MN1: variants seen among roughly 807,000 people sequenced by gnomAD.
MN1 encodes MN1 proto-oncogene, transcriptional regulator, also known as transcriptional activator MN1.
A neutral mutation model predicts 86.9 loss-of-function variants in MN1; 19 were observed. That is an observed-to-expected ratio of 0.22 (90% CI 0.15 to 0.32). The LOEUF (loss-of-function observed/expected upper bound fraction) is 0.32, where lower values mean the gene tolerates loss of function less well. MN1 is among the 10% of genes least tolerant of loss of function. The pLI, the probability that MN1 is intolerant of heterozygous loss-of-function variation, is 1.00. For synonymous variants in MN1, 928 were observed against 849.6 expected (o/e 1.09, Z -1.60); for missense variants, 1,841 against 1,862.0 (o/e 0.99, Z 0.21).
At chr22:27,752,312 T>C (rs368493465) in intron 1 of MN1, among the ~76,000 whole-genome samples, 3 of 152,226 alleles carry the variant, frequency 2.0e-5, no homozygotes, top group East Asian at 3.9e-4. Flanking sequence ...GGACAGAAGA[T>C]GAAGTGTTCA....
intron 1 of MN1, among the ~76,000 whole-genome samples, chr22:27,754,345 G>A (rs1932788736): frequency 6.6e-6 from 1 of 152,218 alleles, no homozygotes; most frequent in South Asian, 2.1e-4. Flanking sequence ...GAACACTTCT[G>A]TGTATTATCT....
intron 1 of MN1, among the ~76,000 whole-genome samples, chr22:27,757,700 G>A (rs1932810363): frequency 6.6e-6 from 1 of 152,134 alleles, no homozygotes; most frequent in South Asian, 2.1e-4. Context: ...GGGCCTGGAA[G>A]CTGAATCAGG....
At chr22:27,782,454 T>C (rs1166475593) in intron 1 of MN1, among the ~76,000 whole-genome samples, 1 of 152,234 alleles carries the variant, frequency 6.6e-6, no homozygotes, top group African/African-American at 2.4e-5. Context: ...TCTGTGCCTT[T>C]CATTTCTTCA....
intron 1 of MN1, among the ~76,000 whole-genome samples, chr22:27,767,438 T>C (rs1186996097): frequency 6.6e-6 from 1 of 152,144 alleles, no homozygotes; most frequent in African/African-American, 2.4e-5. Flanking sequence ...CAGACTTCCT[T>C]CAAAGTTTGA....
intron 1 of MN1, among the ~76,000 whole-genome samples, chr22:27,767,838 G>C (rs564430405): frequency 6.6e-6 from 1 of 152,224 alleles, no homozygotes; most frequent in Non-Finnish European, 1.5e-5. Context: ...GCAAATTGGA[G>C]GGTAATTTTT....
intron 1 of MN1, among the ~76,000 whole-genome samples, chr22:27,792,317 C>CATATATATATATAT (rs36207111): frequency 1.1e-4 from 13 of 114,050 alleles, no homozygotes; most frequent in South Asian, 3.1e-4. Flanking sequence ...ATAAAAATTG[C>CATATATATATATAT]ATATATATAT....
chr22:27,769,601 G>T (rs1374893534), intron 1 of MN1, among the ~76,000 whole-genome samples: 1,758 of 114,578 alleles, frequency 0.015, 42 homozygotes, highest in African/African-American at 0.058. Context: ...CACCCAGGCT[G>T]GAGTGCAGTG....
At chr22:27,783,194 G>A (rs560194610) in intron 1 of MN1, among the ~76,000 whole-genome samples, 1 of 151,378 alleles carries the variant, frequency 6.6e-6, no homozygotes, top group Non-Finnish European at 1.5e-5. Context: ...GAGTGCAGTG[G>A]TGTGATCTTG....
intron 1 of MN1, among the ~76,000 whole-genome samples, chr22:27,786,262 A>C (rs1933131324): frequency 6.6e-6 from 1 of 152,236 alleles, no homozygotes; most frequent in Admixed American, 6.5e-5. Flanking sequence ...GCCAGGCTGA[A>C]GTGCTCGCAC....
intron 1 of MN1, among the ~76,000 whole-genome samples, chr22:27,757,517 A>C (rs1008428822): frequency 3.3e-5 from 5 of 152,208 alleles, no homozygotes; most frequent in Admixed American, 3.3e-4. Flanking sequence ...CTCGGGGCTT[A>C]TGTAAGAAGC....
rs1235003365 is a variant in MN1 at position 27,799,717 on chromosome 22, A to T, written c.827T>A (p.Met276Lys). The change falls in exon 1 of 2, where the codon ATG becomes AAG. Residue 276 changes from methionine (M) to lysine (K), a missense_variant. Transcript: ENST00000302326. ...GCCCACCATGCCCGCAGCTCTGGGCATGGCCGAGGCGCCCGGGAAAGCGCC... is the reference window on the plus strand; with the variant it reads ...GCCCACCATGCCCGCAGCTCTGGGCTTGGCCGAGGCGCCCGGGAAAGCGCC... ...PGGAFPGASA[M>K]PRAAGMVGLS... 6.4e-7 allele frequency: 1 copy of T among 1,569,974 alleles called. No individual in the cohort carries two copies. The highest frequency in any genetic ancestry group is 8.6e-7 in the Non-Finnish European group (1 of 1,158,218).
chr22:27,772,086 G>A (rs1233933417), intron 1 of MN1, among the ~76,000 whole-genome samples: 1 of 152,206 alleles, frequency 6.6e-6, no homozygotes, highest in Non-Finnish European at 1.5e-5. Context: ...GGGCTGTTAT[G>A]TGTGTCCTCC....
In MN1 at chr22:27,799,614, A is replaced by G; in HGVS notation, c.930T>C (p.His310=). Residue 310 remains histidine, a synonymous_variant, in exon 1 of 2, where the codon CAT becomes CAC. Transcript: ENST00000302326. The part of the protein sequence containing the change: ...QQQPQQQQQQ[H]GVFFERFSGA... ...CACTGAACCTCTCAAAGAACACACCATGCTGCTGCTGCTGCTGCTGGGGCT... is the reference window on the plus strand; with the variant it reads ...CACTGAACCTCTCAAAGAACACACCGTGCTGCTGCTGCTGCTGCTGGGGCT... The G allele has an allele frequency of 6.5e-7, 1 of 1,540,142 alleles. No individual in the cohort carries two copies. Among genetic ancestry groups the G allele is most frequent in the Non-Finnish European group, 8.8e-7 (1 of 1,141,604 alleles).
chr22:27,761,759 G>A (rs536734877), intron 1 of MN1, among the ~76,000 whole-genome samples: 128 of 152,332 alleles, frequency 8.4e-4, no homozygotes, highest in African/African-American at 2.8e-3. Context: ...CAGAGGCCTC[G>A]CGCCGGCCGC....
Position 27,798,489 on chromosome 22 carries a change from C to A in MN1, c.2055G>T (p.Arg685Ser). The A allele has an allele frequency of 6.4e-7, 1 of 1,555,458 alleles. No individual in the cohort carries two copies. Among genetic ancestry groups the A allele is most frequent in the Non-Finnish European group, 8.6e-7 (1 of 1,161,300 alleles). Residue 685 changes from arginine to serine, a missense_variant, in exon 1 of 2, where the codon AGG becomes AGT. Coordinates refer to ENST00000302326, the MANE Select transcript of MN1 (RefSeq NM_002430.3). ...LFRGPLQEPM[R>S]MPGEGHVPAL... is the part of the protein sequence containing the mutation. ...CGGGCACGTGGCCCTCTCCGGGCAT[C>A]CTCATCGGCTCCTGCAGAGGGCCCC...
At chr22:27,751,669 AAGAAAACT>A (rs1384831605) in intron 1 of MN1, among the ~76,000 whole-genome samples, 2 of 152,176 alleles carry the variant, frequency 1.3e-5, no homozygotes, top group African/African-American at 4.8e-5. Context: ...CTTTACAGCT[AAGAAAACT>A]GAGACTCAGA....
Position 27,799,313 on chromosome 22 carries a change from TG to T in MN1, c.1230del (p.Ile411SerfsTer41). 6.3e-7 allele frequency: 1 copy of T among 1,593,158 alleles called. No homozygotes were observed. On this transcript the variant is annotated frameshift_variant, in exon 1 of 2. Coordinates refer to ENST00000302326, the MANE Select transcript of MN1 (RefSeq NM_002430.3). LOFTEE classifies it high-confidence loss of function. The part of the protein sequence containing the change: ...LPSQHAQFEY[P>X]IHRLENRSMH... ...ATGCTCCGGTTCTCCAGCCGGTGGATGGGATACTCGAATTGCGCGTGCTGGC... is the reference window on the plus strand; with the variant it reads ...ATGCTCCGGTTCTCCAGCCGGTGGATGGATACTCGAATTGCGCGTGCTGGC...
intron 1 of MN1, among the ~76,000 whole-genome samples, chr22:27,776,300 G>C (rs189923744): frequency 6.6e-6 from 1 of 152,158 alleles, no homozygotes; most frequent in South Asian, 2.1e-4. Flanking sequence ...TCTCGAGGAC[G>C]CGCTGTAGTT....
Position 27,798,262 on chromosome 22 carries a change from G to C in MN1, c.2282C>G (p.Pro761Arg). ...AGRQSTPHSG[P>R]GVNSPPSAGG... is the part of the protein sequence containing the mutation. ...CGCGCTGGGGGGCGAGTTCACGCCT[G>C]GACCGCTGTGCGGCGTGGACTGCCG... is the stretch of plus-strand genomic sequence containing the variant. The change falls in exon 1 of 2, where the codon CCA (proline) becomes CGA (arginine). Residue 761 changes from proline to arginine, a missense_variant. Transcript: ENST00000302326. 1 of 1,528,182 alleles carries C rather than the reference G, an allele frequency of 6.5e-7. No individual in the cohort carries two copies. The highest frequency in any genetic ancestry group is 8.7e-7 in the Non-Finnish European group (1 of 1,148,336). The allele number at this position is 1,528,182 out of a possible 1,614,324, so 94.7% of individuals were successfully genotyped here.
Sources: allele counts gnomAD v4.1 joint callset (sites outside exome capture counted in the v4.1 genomes callset), GRCh38; gene constraint gnomAD v4.1.1; transcripts MANE v1.5; gene names NCBI Gene and HGNC (gene_info 2026-07-23, HGNC 2026-07-21).